RNF213: variants seen among roughly 807,000 people sequenced by gnomAD.
RNF213 encodes E3 ubiquitin-protein ligase RNF213.
In RNF213, 341 loss-of-function variants were observed where a neutral mutation model predicts 514.4. That is an observed-to-expected ratio of 0.66 (90% confidence interval 0.61 to 0.73). The LOEUF (loss-of-function observed/expected upper bound fraction) is 0.73. Ranked by LOEUF, RNF213 falls within the 30% of genes least tolerant of loss-of-function variation. The pLI is 0.00. For synonymous variants in RNF213, 2,655 were observed against 2,658.2 expected, an observed-to-expected ratio of 1.00 and a Z score of 0.04; for missense variants, 5,767 against 6,615.6, an observed-to-expected ratio of 0.87 and a Z score of 4.45.
At position 80,374,620 on chromosome 17, in the gene RNF213, C is replaced by T. The variant is rs180836679; in HGVS notation, c.13074+31C>T. On this transcript the variant is annotated intron_variant, in intron 50 of 67. Transcript: ENST00000582970. Reference sequence around the variant, plus strand: ...ATGGGCCCGTGGCTTCTCTCTGATACCAGGTGGCATCCCTTGGAGCCTGCA... The same window carrying T: ...ATGGGCCCGTGGCTTCTCTCTGATATCAGGTGGCATCCCTTGGAGCCTGCA... The T allele has an allele frequency of 9.8e-5, 158 of 1,612,998 alleles. No homozygotes were observed. In the African/African-American group the frequency reaches 1.7e-3, roughly 17 times the overall value.
intron 67 of RNF213, among the ~76,000 whole-genome samples, chr17:80,390,778 C>T (rs1028175502): frequency 6.6e-6 from 1 of 152,092 alleles, no homozygotes; most frequent in African/African-American, 2.4e-5. Context: ...AAAAAGCTAT[C>T]CTAGGCCGGG....
chr17:80,274,859 TG>T (rs1248881222), intron 3 of RNF213, among the ~76,000 whole-genome samples: 1 of 24,466 alleles, frequency 4.1e-5, no homozygotes, highest in Admixed American at 5.1e-4. Context: ...GGGTGTGTGT[TG>T]GGGGGTGTGT....
chr17:80,361,857 C>T lies in RNF213; in HGVS notation c.11324C>T (p.Thr3775Ile). The change falls in exon 39 of 68, where the codon ACC (threonine) becomes ATC (isoleucine). Residue 3775 changes from threonine to isoleucine, a missense_variant. Around this residue, in one of 13 missense-constraint regions of RNF213, gnomAD observed 355 missense variants for 358.0 expected, o/e 0.99. Transcript: ENST00000582970. Reference sequence around the variant, plus strand: ...TACTTGAAGGATTTCATTCTCTTGACCATGCGTGTGTCAACGGAGGAGGAA... The same window carrying T: ...TACTTGAAGGATTTCATTCTCTTGATCATGCGTGTGTCAACGGAGGAGGAA... The part of the protein sequence containing the change: ...QCYLKDFILL[T>I]MRVSTEEELK... The T allele has an allele frequency of 6.2e-7, 1 of 1,613,662 alleles. No homozygotes were observed.
chr17:80,386,593 C>T, intron 62 of RNF213, 97 bp from the exon 63 acceptor site: 2 of 1,482,070 alleles, frequency 1.3e-6, no homozygotes, highest in Middle Eastern at 1.8e-4. Context: ...TTTTCCACTG[C>T]TCCAACTGTG....
At chr17:80,350,702 G>A (rs969245378) in intron 31 of RNF213, among the ~76,000 whole-genome samples, 1 of 152,240 alleles carries the variant, frequency 6.6e-6, no homozygotes, top group Admixed American at 6.5e-5. Flanking sequence ...AGAAGGCTGA[G>A]GTGGGAGGAT....
At chr17:80,275,721 G>A (rs981721420) in intron 3 of RNF213, among the ~76,000 whole-genome samples, 4 of 151,990 alleles carry the variant, frequency 2.6e-5, no homozygotes, top group Admixed American at 6.6e-5. Context: ...GAGTGCAGTG[G>A]CGCCATCTCA....
At position 80,375,985 on chromosome 17, in the gene RNF213, G is replaced by A. The variant is rs2079740554; in HGVS notation, c.13185+115G>A. Reference sequence around the variant, plus strand: ...CCATAATTTTTTTATCTAGGATAGAGGTTCTCAACCTTGTTATGTGGAGGA... The same window carrying A: ...CCATAATTTTTTTATCTAGGATAGAAGTTCTCAACCTTGTTATGTGGAGGA... On this transcript the variant is annotated intron_variant, in intron 51 of 67. Coordinates refer to ENST00000582970, the MANE Select transcript of RNF213 (RefSeq NM_001256071.3). 9.2e-6 allele frequency: 8 copies of A among 866,680 alleles called. No individual in the cohort carries two copies. The Admixed American group carries it at 1.6e-4, about 17-fold the overall frequency. 53.7% of individuals were successfully genotyped at this position (866,680 alleles called of 1,614,324 possible).
At chr17:80,273,092 T>C in intron 2 of RNF213, 149 bp from the exon 3 acceptor site, 1 of 1,030,380 alleles carries the variant, frequency 9.7e-7, no homozygotes, top group Non-Finnish European at 1.5e-6. Flanking sequence ...GCAGAACCCC[T>C]ACCCTGCTCA....
At chr17:80,282,904 G>C (rs1315506070) in intron 3 of RNF213, among the ~76,000 whole-genome samples, 1 of 150,174 alleles carries the variant, frequency 6.7e-6, no homozygotes, top group Non-Finnish European at 1.5e-5. Context: ...CCCCATGTTG[G>C]CCAGGCTGGT....
intron 51 of RNF213, 101 bp downstream of exon 51, chr17:80,375,971 T>G: frequency 2.1e-6 from 2 of 953,836 alleles, no homozygotes; most frequent in Non-Finnish European, 3.4e-6. Flanking sequence ...CATAATTTTT[T>G]TATCTAGGAT....
chr17:80,317,197 C>T lies in RNF213; in HGVS notation c.2821C>T (p.Arg941Trp), dbSNP rs146522582. The T allele has an allele frequency of 2.8e-5, 45 of 1,611,960 alleles. No homozygotes were observed. The African/African-American group carries it at 3.3e-4, about 12-fold the overall frequency. ...TGTGCGGGTTTTGCAGGTCTGGAGG[C>T]GGCTGGTGGAAATCCAATTCCCCGC... The part of the protein sequence containing the change: ...TYVKEIEVWR[R>W]LVEIQFPAEH... Residue 941 changes from arginine (R) to tryptophan (W), a missense_variant, in exon 16 of 68, where the codon CGG (arginine) becomes TGG (tryptophan). By Grantham distance (101) the Arg-to-Trp change is moderately radical. Around this residue, in one of 13 missense-constraint regions of RNF213, gnomAD observed 592 missense variants for 673.9 expected, o/e 0.88. Coordinates refer to ENST00000582970, the MANE Select transcript of RNF213 (RefSeq NM_001256071.3). The surrounding 1 kb of genome is among the most constrained non-coding windows in gnomAD (Gnocchi z 4.1).
In RNF213 at chr17:80,294,900, G is replaced by A. The variant is rs2143386180; in HGVS notation, c.1652G>A (p.Ser551Asn). ...ACCTGGGACACCATCAACCTGAACA[G>A]CTTCTTCACCCAGTTCGAGCAGTTT... ...LQTWDTINLN[S>N]FFTQFEQFCF... The change falls in exon 9 of 68, where the codon AGC becomes AAC. Residue 551 changes from serine to asparagine, a missense_variant. By Grantham distance (46) the Ser-to-Asn change is conservative. Around this residue, in one of 13 missense-constraint regions of RNF213, gnomAD observed 592 missense variants for 673.9 expected, o/e 0.88. Coordinates refer to ENST00000582970, the MANE Select transcript of RNF213 (RefSeq NM_001256071.3). 1 of 1,614,218 alleles carries A rather than the reference G, an allele frequency of 6.2e-7. No individual in the cohort carries two copies. Among genetic ancestry groups the A allele is most frequent in the Non-Finnish European group, 8.5e-7 (1 of 1,180,046 alleles).
intron 3 of RNF213, among the ~76,000 whole-genome samples, chr17:80,285,140 C>T (rs1017006754): frequency 6.6e-6 from 1 of 152,224 alleles, no homozygotes; most frequent in Non-Finnish European, 1.5e-5. Flanking sequence ...GGGGGCCTTG[C>T]GTGTACCAGG....
In RNF213 at chr17:80,306,332, T is replaced by C; in HGVS notation, c.2291T>C (p.Leu764Pro). The C allele has an allele frequency of 6.2e-7, 1 of 1,614,172 alleles. No individual in the cohort carries two copies. Residue 764 changes from leucine (L) to proline (P), a missense_variant, in exon 12 of 68, where the codon CTG becomes CCG. This residue lies in a region of RNF213 where 592 missense variants were observed against 673.9 expected (regional missense o/e 0.88). Transcript: ENST00000582970. ...DEPLFRSWFS[L>P]LPLSHLVMYM... ...CCTCTCTTCCGGTCCTGGTTTAGTC[T>C]GCTACCTCTGAGTCACCTGGTTATG...
At chr17:80,283,722 G>T (rs1047893597) in intron 3 of RNF213, among the ~76,000 whole-genome samples, 7 of 152,182 alleles carry the variant, frequency 4.6e-5, no homozygotes, top group Non-Finnish European at 7.4e-5. Context: ...GGTGGGAGGT[G>T]GGGGGTGGTC....
At chr17:80,326,845 A>G (rs565129608) in intron 18 of RNF213, among the ~76,000 whole-genome samples, 15 of 152,374 alleles carry the variant, frequency 9.8e-5, no homozygotes, top group African/African-American at 3.6e-4. Flanking sequence ...TGCAATGATT[A>G]GTAAAGCTAC....
At chr17:80,335,960 G>A (rs535662348) in intron 22 of RNF213, among the ~76,000 whole-genome samples, 23 of 140,634 alleles carry the variant, frequency 1.6e-4, no homozygotes, top group South Asian at 4.6e-4. Context: ...TTGGGTGACA[G>A]AGTGAGACTC....
At chr17:80,355,468 C>A (rs74522255) in intron 36 of RNF213, among the ~76,000 whole-genome samples, 16 of 47,318 alleles carry the variant, frequency 3.4e-4, no homozygotes, top group African/African-American at 7.4e-4. Context: ...AGAGGGGTGA[C>A]CGGGAATGGG....
intron 41 of RNF213, 96 bp from the exon 42 acceptor site, chr17:80,364,337 G>C (rs1322558071): frequency 6.4e-7 from 1 of 1,571,040 alleles, no homozygotes; most frequent in Admixed American, 1.7e-5. Flanking sequence ...CTGGACCCCG[G>C]GTCCCGCATC....
Sources: gnomAD v4.1 joint callset for allele counts (sites outside exome capture counted in the v4.1 genomes callset) on GRCh38, gnomAD v4.1.1 for gene constraint, gnomAD v4.1.1 regional missense constraint, Gnocchi (gnomAD v3.1) non-coding constraint, MANE v1.5 for transcripts, NCBI Gene and HGNC (gene_info 2026-07-23, HGNC 2026-07-21) for gene names.